The following CX3CR1 variants were observed in gnomAD, a reference collection of about 807,000 sequenced individuals.
The protein encoded by CX3CR1 is C-X3-C motif chemokine receptor 1.
For missense variants in CX3CR1, 363 were observed against 432.4 expected (o/e 0.84, Z 1.42); for synonymous variants, 168 against 178.5 (o/e 0.94, Z 0.47).
the CX3CR1 span, chr3:39,287,100 T>C: frequency 6.6e-6 from 1 of 152,230 alleles, no homozygotes; most frequent in African/African-American, 2.4e-5. Flanking sequence ...CTTTTGTCCA[T>C]CTCTATTCTT....
chr3:39,285,468 T>C (rs905145411), upstream of CX3CR1, among the ~76,000 whole-genome samples: 3 of 152,230 alleles, frequency 2.0e-5, no homozygotes, highest in Non-Finnish European at 4.4e-5. Context: ...TCCCAATGTT[T>C]ACATTTAACA....
At position 39,266,534 on chromosome 3, in the gene CX3CR1, A is replaced by T; in HGVS notation, c.-9-16T>A. ...TGGTGAAGGCCTGGATCAGAAAGAAAAACAAGTAACTGTGTTAGTTATCAG... is the reference window on the plus strand; with the variant it reads ...TGGTGAAGGCCTGGATCAGAAAGAATAACAAGTAACTGTGTTAGTTATCAG... On this transcript the variant is annotated splice_polypyrimidine_tract_variant and intron_variant, in intron 1 of 1. Coordinates refer to ENST00000399220, the MANE Select transcript of CX3CR1 (RefSeq NM_001337.4). 1 of 1,612,490 alleles carries T rather than the reference A, an allele frequency of 6.2e-7. No homozygotes were observed.
chr3:39,283,632 T>C (rs1488341306), upstream of CX3CR1, among the ~76,000 whole-genome samples: 3 of 150,784 alleles, frequency 2.0e-5, no homozygotes, highest in Non-Finnish European at 4.4e-5. Flanking sequence ...ATATAAAAAT[T>C]AGCCAGGCGT....
At chr3:39,277,974 T>A (rs866638689) in intron 1 of CX3CR1, among the ~76,000 whole-genome samples, 6 of 152,304 alleles carry the variant, frequency 3.9e-5, no homozygotes, top group African/African-American at 7.2e-5. Flanking sequence ...TGCAGAAAGT[T>A]GACACATACC....
At chr3:39,276,464 T>C (rs2040842051) in intron 1 of CX3CR1, among the ~76,000 whole-genome samples, 1 of 152,244 alleles carries the variant, frequency 6.6e-6, no homozygotes, top group South Asian at 2.1e-4. Context: ...GGAGATGCAC[T>C]GGATTAAGTG....
chr3:39,292,705 G>T, the CX3CR1 span, among the ~76,000 whole-genome samples: 12 of 152,288 alleles, frequency 7.9e-5, no homozygotes, highest in Admixed American at 6.5e-4. Flanking sequence ...GGATAAGGAG[G>T]CTCAGAAAAG....
At chr3:39,283,121 G>A (rs1040991962), upstream of CX3CR1, among the ~76,000 whole-genome samples, 7 of 152,156 alleles carry the variant, frequency 4.6e-5, no homozygotes, top group African/African-American at 1.7e-4. Context: ...GAACTCCTGA[G>A]TTTGAGTGAT....
chr3:39,284,809 G>C (rs1472356842), upstream of CX3CR1, among the ~76,000 whole-genome samples: 1 of 152,174 alleles, frequency 6.6e-6, no homozygotes. Context: ...TTCCTGCCCA[G>C]ATGCAGGCAG....
intron 1 of CX3CR1, among the ~76,000 whole-genome samples, chr3:39,272,250 A>G (rs973308919): frequency 6.6e-6 from 1 of 152,146 alleles, no homozygotes; most frequent in African/African-American, 2.4e-5. Flanking sequence ...CTCCTTACCC[A>G]CTATTCAGTT....
Position 39,269,512 on chromosome 3 carries a change from G to C in CX3CR1, c.-9-2994C>G, listed in dbSNP as rs149615583. 3.9e-5 allele frequency among the ~76,000 whole-genome samples: 6 copies of C among 152,354 alleles called. No homozygotes were observed. The East Asian group carries it at 1.2e-3, about 29-fold the overall frequency. On this transcript the variant is annotated intron_variant, in intron 1 of 1. Coordinates refer to ENST00000399220, the MANE Select transcript of CX3CR1 (RefSeq NM_001337.4). ...TCACATAAAGACTTTGATTAAGACA[G>C]AATGGAAGAAGTGGGTGAATGTATC... is the stretch of plus-strand genomic sequence containing the variant.
chr3:39,281,889 A>G (rs2040905128), upstream of CX3CR1, among the ~76,000 whole-genome samples: 1 of 152,194 alleles, frequency 6.6e-6, no homozygotes, highest in African/African-American at 2.4e-5. Context: ...CACAGCTGCT[A>G]GCAGCACAGG....
Position 39,279,728 on chromosome 3 carries a change from G to A in CX3CR1, c.-10+226C>T, listed in dbSNP as rs56088255. 4.1e-3 allele frequency among the ~76,000 whole-genome samples: 617 copies of A among 152,230 alleles called. 1 individual carries two copies. Among genetic ancestry groups the A allele is most frequent in the African/African-American group, 0.013 (558 of 41,536 alleles). On this transcript the variant is annotated intron_variant, in intron 1 of 1. Transcript: ENST00000399220. ...GAGCTTTTCTCCATGTCTCTAAAAT[G>A]TAATTACTAATGCTTCTAATACTAT...
upstream of CX3CR1, chr3:39,281,397 A>T: frequency 1.3e-5 from 8 of 594,560 alleles, no homozygotes; most frequent in Non-Finnish European, 2.0e-5. Context: ...CTTGCCTCTG[A>T]CTCCCCTCCT....
chr3:39,272,553 C>T (rs547848052), intron 1 of CX3CR1, among the ~76,000 whole-genome samples: 3 of 152,176 alleles, frequency 2.0e-5, no homozygotes, highest in African/African-American at 7.2e-5. Flanking sequence ...CTTCTTCAAT[C>T]TGACATTCTT....
upstream of CX3CR1, among the ~76,000 whole-genome samples, chr3:39,285,679 A>C (rs1206717182): frequency 1.3e-5 from 2 of 150,826 alleles, no homozygotes; most frequent in Admixed American, 1.3e-4. Context: ...GTCATTTTTT[A>C]AAAATTAAAA....
At chr3:39,291,914 A>C in the CX3CR1 span, among the ~76,000 whole-genome samples, 1 of 152,208 alleles carries the variant, frequency 6.6e-6, no homozygotes, top group African/African-American at 2.4e-5. Context: ...GGGTCTGCAG[A>C]GCTCCTTTCT....
In CX3CR1 at chr3:39,271,580, T is replaced by C. The variant is rs1296450029; in HGVS notation, c.-9-5062A>G. Among the ~76,000 whole-genome samples the C allele has an allele frequency of 2.0e-5, 3 of 152,272 alleles. No homozygotes were observed. In the East Asian group the frequency reaches 5.8e-4, roughly 29 times the overall value. On this transcript the variant is annotated intron_variant, in intron 1 of 1. Transcript: ENST00000399220. Reference sequence around the variant, plus strand: ...TGTGGTCATGAAATAGATATCAGCGTGGGTAATTGCAGCTCTGTCTTCTGT... The same window carrying C: ...TGTGGTCATGAAATAGATATCAGCGCGGGTAATTGCAGCTCTGTCTTCTGT...
At chr3:39,281,688 T>G, upstream of CX3CR1, 1 of 1,598,236 alleles carries the variant, frequency 6.3e-7, no homozygotes, top group South Asian at 1.1e-5. Context: ...CTCCAGGGGT[T>G]CTCTCATCCT....
chr3:39,266,658 C>A, intron 1 of CX3CR1, 140 bp from the exon 2 acceptor site: 1 of 845,428 alleles, frequency 1.2e-6, no homozygotes, highest in Non-Finnish European at 2.1e-6. Context: ...TTCCCACTTG[C>A]CATCTTGTTT....
Sources: allele counts gnomAD v4.1 joint callset (sites outside exome capture counted in the v4.1 genomes callset), GRCh38; gene constraint gnomAD v4.1.1; transcripts MANE v1.5; gene names NCBI Gene and HGNC (gene_info 2026-07-23, HGNC 2026-07-21).